APBA2: variants seen among roughly 807,000 people sequenced by gnomAD.
APBA2 encodes the protein amyloid-beta A4 precursor protein-binding family A member 2.
APBA2 carries 30 observed loss-of-function variants against 75.0 expected under a neutral mutation model. That is an observed-to-expected ratio of 0.40 (90% confidence interval 0.30 to 0.54). The LOEUF is 0.54. APBA2 is among the 20% of genes least tolerant of loss of function. The probability of loss-of-function intolerance (pLI) is 0.49; values close to 1 mark genes in which losing one functional copy is unlikely to be tolerated. For missense variants in APBA2, 801 were observed against 1,016.1 expected, an observed-to-expected ratio of 0.79 and a Z score of 2.88; for synonymous variants, 444 against 409.6, an observed-to-expected ratio of 1.08 and a Z score of -1.01.
At position 29,116,448 on chromosome 15, in the gene APBA2, A is replaced by T. The variant is rs920859246; in HGVS notation, c.2179-614A>T. Among the ~76,000 whole-genome samples, 28 of 151,918 alleles carry T rather than the reference A, an allele frequency of 1.8e-4. 1 individual carries two copies. The highest frequency in any genetic ancestry group is 2.9e-4 in the Non-Finnish European group (20 of 67,976). Reference sequence around the variant, plus strand: ...GAGACCATCCTGGCTAACACGGTGAAACCCCGTCTCTGCTAAAAAATACAA... The same window carrying T: ...GAGACCATCCTGGCTAACACGGTGATACCCCGTCTCTGCTAAAAAATACAA... On this transcript the variant is annotated intron_variant, in intron 14 of 14. Transcript: ENST00000683413.
At position 29,093,050 on chromosome 15, in the gene APBA2, ACT is replaced by A. The variant is rs112620416; in HGVS notation, c.1070-22_1070-21del. 5.6e-6 allele frequency: 9 copies of A among 1,613,936 alleles called. No homozygotes were observed. The African/African-American group carries it at 6.7e-5, about 12-fold the overall frequency. On this transcript the variant is annotated intron_variant, in intron 6 of 14. Transcript: ENST00000683413. Reference sequence around the variant, plus strand: ...TTCAGGGGACTTCTCCTCTAGGAAGACTCTGACTCTGTGCCCTCCTTCAGTTC... The same window carrying A: ...TTCAGGGGACTTCTCCTCTAGGAAGACTGACTCTGTGCCCTCCTTCAGTTC...
At chr15:29,089,119 T>TGTTCTGTG (rs1256671912) in intron 6 of APBA2, among the ~76,000 whole-genome samples, 3 of 152,200 alleles carry the variant, frequency 2.0e-5, no homozygotes, top group African/African-American at 7.2e-5. Context: ...CTGATGCATT[T>TGTTCTGTG]GTTCTGTGGC....
chr15:28,987,330 GC>G (rs905324988), intron 2 of APBA2, among the ~76,000 whole-genome samples: 1 of 152,164 alleles, frequency 6.6e-6, no homozygotes, highest in Admixed American at 6.5e-5. Context: ...GAATATGGAA[GC>G]AGCTGAGCTG....
intron 2 of APBA2, among the ~76,000 whole-genome samples, chr15:28,954,737 C>G (rs756146198): frequency 6.6e-6 from 1 of 152,186 alleles, no homozygotes; most frequent in Non-Finnish European, 1.5e-5. Flanking sequence ...GTGAGGGCCT[C>G]CTGCCATGCT....
intron 7 of APBA2, 52 bp from the exon 8 acceptor site, chr15:29,094,226 C>G: frequency 2.5e-4 from 389 of 1,568,084 alleles, no homozygotes; most frequent in Non-Finnish European, 3.1e-4. Context: ...ACCTCACGCA[C>G]CTTCCTTCTC....
intron 10 of APBA2, 85 bp downstream of exon 10, chr15:29,101,869 C>A: frequency 7.2e-7 from 1 of 1,384,868 alleles, no homozygotes; most frequent in Non-Finnish European, 1.0e-6. Context: ...GGAAACCACC[C>A]TCAGGTGGAA....
rs10604525 is a variant in APBA2, at chr15:29,023,441, C to CTTTTTTTTTT, written c.-41+27658_-41+27667dup. On this transcript the variant is annotated intron_variant, in intron 3 of 14. Coordinates refer to ENST00000683413, the MANE Select transcript of APBA2 (RefSeq NM_001353788.2). ...ATTTGATGGCCATTATACCTTTTTCCTTTTTTTTTTTTTTTTTTTTTTTTT... is the reference window on the plus strand; with the variant it reads ...ATTTGATGGCCATTATACCTTTTTCCTTTTTTTTTTTTTTTTTTTTTTTTTTTTTTTTTTT... 4.4e-4 allele frequency among the ~76,000 whole-genome samples: 32 copies of CTTTTTTTTTT among 73,306 alleles called. 3 individuals carry two copies. Among genetic ancestry groups the CTTTTTTTTTT allele is most frequent in the Non-Finnish European group, 5.8e-4 (24 of 41,374 alleles). 48.1% of individuals were successfully genotyped at this position (73,306 alleles called of 152,430 possible).
chr15:29,063,344 A>G (rs1452699466), intron 4 of APBA2, among the ~76,000 whole-genome samples: 1 of 125,320 alleles, frequency 8.0e-6, no homozygotes, highest in African/African-American at 3.1e-5. Flanking sequence ...CAGTGTCTGT[A>G]TGGGTGGTGC....
At chr15:28,905,756 C>T (rs1229339864) in intron 1 of APBA2, among the ~76,000 whole-genome samples, 3 of 152,110 alleles carry the variant, frequency 2.0e-5, no homozygotes, top group African/African-American at 7.2e-5. Context: ...GAGAAAGGTG[C>T]CATTTTTCTG....
chr15:28,995,799 C>G lies in APBA2; in HGVS notation c.-48C>G, dbSNP rs1316236579. The G allele has an allele frequency of 2.0e-5, 3 of 152,180 alleles. No homozygotes were observed. The highest frequency in any genetic ancestry group is 7.2e-5 in the African/African-American group (3 of 41,444). The allele number at this position is 152,180 out of a possible 1,614,324, so 9.4% of individuals were successfully genotyped here. On this transcript the variant is annotated 5_prime_UTR_variant, in exon 3 of 15. Coordinates refer to ENST00000683413, the MANE Select transcript of APBA2 (RefSeq NM_001353788.2). ...TTTTTCGGGACATTACCAAACCACTCATTTTAGGTAAGAAATACAAGGCAG... is the reference window on the plus strand; with the variant it reads ...TTTTTCGGGACATTACCAAACCACTGATTTTAGGTAAGAAATACAAGGCAG...
Position 28,961,074 on chromosome 15 carries a change from T to C in APBA2, c.-94-34679T>C, listed in dbSNP as rs562259711. ...GCACCTAGCCGACACCCATCATTCT[T>C]ACACAGTGAAGACCCAGGGAGATGA... On this transcript the variant is annotated intron_variant, in intron 2 of 14. Coordinates refer to ENST00000683413, the MANE Select transcript of APBA2 (RefSeq NM_001353788.2). Among the ~76,000 whole-genome samples the C allele has an allele frequency of 1.3e-4, 20 of 152,314 alleles. No individual in the cohort carries two copies. In the East Asian group the frequency reaches 3.9e-3, roughly 29 times the overall value.
chr15:29,054,712 G>A lies in APBA2; in HGVS notation c.828G>A (p.Arg276=), dbSNP rs1215199080. Residue 276 remains arginine, a synonymous_variant, in exon 4 of 15, where the codon AGG becomes AGA. Coordinates refer to ENST00000683413, the MANE Select transcript of APBA2 (RefSeq NM_001353788.2). This position sits in a 1 kb window ranked among gnomAD's most constrained non-coding sequence, Gnocchi z 6.1. ...TCAAGGCCAGCTGCAGCCCCAGCAG[G>A]CACGAGGCGAGGCCCAAGTCGCTGA... ...PPIKASCSPS[R]HEARPKSLNL... is the part of the protein sequence containing the mutation. The A allele has an allele frequency of 4.3e-6, 7 of 1,613,512 alleles. No homozygotes were observed. The highest frequency in any genetic ancestry group is 5.9e-6 in the Non-Finnish European group (7 of 1,180,014).
intron 1 of APBA2, among the ~76,000 whole-genome samples, chr15:28,901,908 ATGTG>A (rs766260051): frequency 2.2e-4 from 15 of 67,406 alleles, no homozygotes; most frequent in Admixed American, 1.1e-3. Context: ...GGAGCTTTTG[ATGTG>A]TGTGTGTGTG....
At chr15:29,068,003 G>C (rs552615842) in intron 4 of APBA2, among the ~76,000 whole-genome samples, 1 of 152,334 alleles carries the variant, frequency 6.6e-6, no homozygotes, top group South Asian at 2.1e-4. Flanking sequence ...GGAAACCAAA[G>C]TCTAACATCG....
At chr15:28,916,599 G>A (rs2033701548) in intron 1 of APBA2, among the ~76,000 whole-genome samples, 1 of 152,148 alleles carries the variant, frequency 6.6e-6, no homozygotes, top group South Asian at 2.1e-4. Flanking sequence ...GCCTTTGCAC[G>A]TGTGTATGGG....
chr15:28,949,419 G>A (rs1007277391), intron 2 of APBA2, among the ~76,000 whole-genome samples: 1 of 152,164 alleles, frequency 6.6e-6, no homozygotes, highest in Non-Finnish European at 1.5e-5. Context: ...CAGTTCCTAC[G>A]CATCACGGAG....
At chr15:28,966,972 C>A (rs147277023) in intron 2 of APBA2, among the ~76,000 whole-genome samples, 16 of 152,274 alleles carry the variant, frequency 1.1e-4, no homozygotes, top group Middle Eastern at 3.4e-3. Context: ...AGTACCTTAT[C>A]GTATGACATA....
intron 3 of APBA2, among the ~76,000 whole-genome samples, chr15:29,041,475 C>T (rs1209277295): frequency 4.7e-5 from 7 of 147,498 alleles, no homozygotes; most frequent in Non-Finnish European, 1.0e-4. Flanking sequence ...AGAGCAAGAC[C>T]CTGTCTCAGA....
chr15:29,101,870 TC>T lies in APBA2; in HGVS notation c.1524+87del. On this transcript the variant is annotated intron_variant, in intron 10 of 14. Coordinates refer to ENST00000683413, the MANE Select transcript of APBA2 (RefSeq NM_001353788.2). ...GATCCAGGCGCTGTGGAAACCACCC[TC>T]AGGTGGAAAGCCTCCATGCTGTTAC... 4 of 1,375,498 alleles carry T rather than the reference TC, an allele frequency of 2.9e-6. No individual in the cohort carries two copies. In the South Asian group the frequency reaches 4.9e-5, roughly 17 times the overall value. 85.2% of individuals were successfully genotyped at this position (1,375,498 alleles called of 1,614,324 possible).
Sources: gnomAD v4.1 joint callset for allele counts (sites outside exome capture counted in the v4.1 genomes callset) on GRCh38, gnomAD v4.1.1 for gene constraint, Gnocchi (gnomAD v3.1) non-coding constraint, MANE v1.5 for transcripts, NCBI Gene and HGNC (gene_info 2026-07-23, HGNC 2026-07-21) for gene names.